The following C12orf42 variants were observed in gnomAD, a reference collection of about 807,000 sequenced individuals.
C12orf42 encodes uncharacterized protein C12orf42.
A neutral mutation model predicts 21.6 loss-of-function variants in C12orf42; 25 were observed. The observed-to-expected ratio is 1.16, with a 90% CI of 0.84 to 1.62. The LOEUF is 1.62. C12orf42 is among the 40% of genes most tolerant of loss of function. The pLI, the probability that C12orf42 is intolerant of heterozygous loss-of-function variation, is 0.00. For missense variants in C12orf42, 483 were observed against 459.3 expected, an observed-to-expected ratio of 1.05 and a Z score of -0.47; for synonymous variants, 174 against 175.0, an observed-to-expected ratio of 0.99 and a Z score of 0.05.
chr12:103,529,496 C>T, the C12orf42 span, among the ~76,000 whole-genome samples: 3 of 152,104 alleles, frequency 2.0e-5, no homozygotes, highest in African/African-American at 7.2e-5. Context: ...ATACCCGTTG[C>T]CACATAAACA....
At chr12:103,336,655 CAT>C (rs1333586390) in intron 4 of C12orf42, among the ~76,000 whole-genome samples, 1 of 152,122 alleles carries the variant, frequency 6.6e-6, no homozygotes, top group African/African-American at 2.4e-5. Context: ...AAAAGCTTTA[CAT>C]TTTAAGGAAC....
chr12:103,287,187 A>G (rs2036520729), intron 4 of C12orf42, among the ~76,000 whole-genome samples: 2 of 152,254 alleles, frequency 1.3e-5, no homozygotes, highest in African/African-American at 4.8e-5. Flanking sequence ...CATTTGACCC[A>G]GCCATCCCAT....
At chr12:103,409,861 T>C (rs1266114222) in intron 2 of C12orf42, among the ~76,000 whole-genome samples, 1 of 152,226 alleles carries the variant, frequency 6.6e-6, no homozygotes, top group East Asian at 1.9e-4. Flanking sequence ...AATCTTATAT[T>C]GAGCACAATA....
At chr12:103,101,311 T>A in the C12orf42 span, among the ~76,000 whole-genome samples, 3 of 152,240 alleles carry the variant, frequency 2.0e-5, no homozygotes, top group African/African-American at 7.2e-5. Flanking sequence ...AACATTTCAT[T>A]CTGAGAGGAA....
At chr12:103,357,446 A>G (rs1397282427) in intron 4 of C12orf42, among the ~76,000 whole-genome samples, 1 of 152,014 alleles carries the variant, frequency 6.6e-6, no homozygotes, top group Non-Finnish European at 1.5e-5. Flanking sequence ...AAGTAAATCC[A>G]TATTTGTTGC....
downstream of C12orf42, among the ~76,000 whole-genome samples, chr12:103,298,657 GC>G (rs140402863): frequency 0.14 from 21,233 of 152,066 alleles, 1,616 homozygotes; most frequent in South Asian, 0.22. Flanking sequence ...TAGGAGTGAC[GC>G]TGAGTTCAGG....
intron 10 of C12orf42, among the ~76,000 whole-genome samples, chr12:103,239,534 T>TA (rs2033629414): frequency 6.6e-6 from 1 of 152,190 alleles, no homozygotes; most frequent in South Asian, 2.1e-4. Flanking sequence ...CTCCTTCAGC[T>TA]ATATTACTAG....
chr12:103,186,462 C>T, the C12orf42 span, among the ~76,000 whole-genome samples: 59 of 152,200 alleles, frequency 3.9e-4, no homozygotes, highest in African/African-American at 1.2e-3. Context: ...AGCTGACATG[C>T]GTTCAAAAGT....
chr12:103,311,285 G>T (rs149525160), intron 4 of C12orf42, among the ~76,000 whole-genome samples: 1 of 151,646 alleles, frequency 6.6e-6, no homozygotes, highest in South Asian at 2.1e-4. Context: ...TGGTGACTAC[G>T]CTTATTTATT....
chr12:103,447,313 A>G (rs975672965), intron 2 of C12orf42, among the ~76,000 whole-genome samples: 1 of 151,996 alleles, frequency 6.6e-6, no homozygotes. Flanking sequence ...AAAGCCATCT[A>G]TGACAAACCC....
At chr12:103,489,600 G>C (rs1316051428) in intron 1 of C12orf42, among the ~76,000 whole-genome samples, 7 of 152,170 alleles carry the variant, frequency 4.6e-5, no homozygotes, top group Non-Finnish European at 8.8e-5. Flanking sequence ...GCTATGGTGG[G>C]TTCCCCCAGT....
the C12orf42 span, among the ~76,000 whole-genome samples, chr12:103,135,864 A>C: frequency 2.0e-5 from 3 of 152,238 alleles, no homozygotes; most frequent in African/African-American, 7.2e-5. Flanking sequence ...ACATCTCTTC[A>C]TGATAAAAAC....
chr12:103,081,689 C>T, the C12orf42 span, among the ~76,000 whole-genome samples: 1 of 152,112 alleles, frequency 6.6e-6, no homozygotes, highest in African/African-American at 2.4e-5. Context: ...ATTATTCCAT[C>T]CTCTTAGCTT....
Position 103,443,748 on chromosome 12 carries a change from C to T in C12orf42, c.78+34601G>A, listed in dbSNP as rs542301173. 7.2e-5 allele frequency among the ~76,000 whole-genome samples: 11 copies of T among 152,014 alleles called. No individual in the cohort carries two copies. In the East Asian group the frequency reaches 1.5e-3, roughly 21 times the overall value. On this transcript the variant is annotated intron_variant, in intron 2 of 5. Coordinates refer to ENST00000548883, the MANE Select transcript of C12orf42 (RefSeq NM_198521.5). ...GCCAGCTGAGCAGGGTTGGCACATA[C>T]CATAAAGGGTAGAAAAAGGCTGTGC...
At chr12:103,127,031 C>T in the C12orf42 span, among the ~76,000 whole-genome samples, 1 of 152,148 alleles carries the variant, frequency 6.6e-6, no homozygotes, top group Non-Finnish European at 1.5e-5. Flanking sequence ...TTTTACTTGT[C>T]AGATTATCAG....
the C12orf42 span, among the ~76,000 whole-genome samples, chr12:103,098,219 A>G: frequency 6.6e-6 from 1 of 152,258 alleles, no homozygotes; most frequent in Non-Finnish European, 1.5e-5. Flanking sequence ...TTGAGCACAT[A>G]GGCCCTGAAA....
the C12orf42 span, among the ~76,000 whole-genome samples, chr12:103,098,698 C>G: frequency 3.9e-5 from 6 of 152,050 alleles, no homozygotes; most frequent in Non-Finnish European, 7.4e-5. Flanking sequence ...AGAGAGGCAC[C>G]AAAAAGAAAG....
intron 2 of C12orf42, among the ~76,000 whole-genome samples, chr12:103,448,767 TGAAAAAATTAAA>T (rs1951739235): frequency 6.6e-6 from 1 of 151,324 alleles, no homozygotes; most frequent in African/African-American, 2.4e-5. Context: ...ATGGCCATAA[TGAAAAAATTAAA>T]AAAAAAATAG....
intron 3 of C12orf42, among the ~76,000 whole-genome samples, chr12:103,399,191 TAATC>T (rs1202573202): frequency 6.6e-6 from 1 of 151,882 alleles, no homozygotes; most frequent in Non-Finnish European, 1.5e-5. Context: ...TCCAGGTAGA[TAATC>T]AATATTATCT....
Sources: allele counts gnomAD v4.1 joint callset (sites outside exome capture counted in the v4.1 genomes callset), GRCh38; gene constraint gnomAD v4.1.1; transcripts MANE v1.5; gene names NCBI Gene and HGNC (gene_info 2026-07-23, HGNC 2026-07-21).